Variants in ADGRB2 observed in about 807,000 individuals in gnomAD.
The protein encoded by ADGRB2 is adhesion G protein-coupled receptor B2.
A neutral mutation model predicts 178.7 loss-of-function variants in ADGRB2; 47 were observed. That is an observed-to-expected ratio of 0.26 (90% CI 0.21 to 0.34). The LOEUF (loss-of-function observed/expected upper bound fraction) is 0.34, where lower values mean the gene tolerates loss of function less well. ADGRB2 is among the 10% of genes least tolerant of loss of function. The pLI, the probability that ADGRB2 is intolerant of heterozygous loss-of-function variation, is 1.00. For missense variants in ADGRB2, 1,584 were observed against 2,180.8 expected (o/e 0.73, Z 5.45); for synonymous variants, 870 against 912.4 (o/e 0.95, Z 0.84).
chr1:31,762,551 G>C (rs373255635), intron 1 of ADGRB2, among the ~76,000 whole-genome samples: 1 of 152,210 alleles, frequency 6.6e-6, no homozygotes, highest in African/African-American at 2.4e-5. Flanking sequence ...AATCCTGCTG[G>C]TCTGTACGTG....
At position 31,744,709 on chromosome 1, in the gene ADGRB2, C is replaced by T. The variant is rs749770051; in HGVS notation, c.861G>A (p.Pro287=). ...ACCTCGGCCACTGGGTTTTCACTTTCGGTTCCTCTTCCGGCTCCTCACCTG... is the reference window on the plus strand; with the variant it reads ...ACCTCGGCCACTGGGTTTTCACTTTTGGTTCCTCTTCCGGCTCCTCACCTG... ...MRYGEEPEEE[P]KVKTQWPRSA... Residue 287 remains proline (P), a synonymous_variant, in exon 5 of 33, where the codon CCG becomes CCA. Coordinates refer to ENST00000373658, the MANE Select transcript of ADGRB2 (RefSeq NM_001364857.2). The surrounding 1 kb of genome is among the most constrained non-coding windows in gnomAD (Gnocchi z 6.7). 11 of 1,614,178 alleles carry T rather than the reference C, an allele frequency of 6.8e-6. No homozygotes were observed. Among genetic ancestry groups the T allele is most frequent in the South Asian group, 2.2e-5 (2 of 91,084 alleles).
At position 31,735,311 on chromosome 1, in the gene ADGRB2, A is replaced by G. The variant is rs79576220; in HGVS notation, c.3354-30T>C. Reference sequence around the variant, plus strand: ...GGGGCGGCACAGACATGGGAGAAGGAGGGGAAACACATGGGAAGCCGGGAG... The same window carrying G: ...GGGGCGGCACAGACATGGGAGAAGGGGGGGAAACACATGGGAAGCCGGGAG... On this transcript the variant is annotated intron_variant, in intron 24 of 32. Transcript: ENST00000373658. The surrounding 1 kb of genome is among the most constrained non-coding windows in gnomAD (Gnocchi z 6.0). The G allele has an allele frequency of 6.1e-3, 8,202 of 1,342,316 alleles. 355 individuals are homozygous for G. The African/African-American group carries it at 0.1, about 17-fold the overall frequency. 83.2% of individuals were successfully genotyped at this position (1,342,316 alleles called of 1,614,324 possible).
In ADGRB2 at chr1:31,749,327, C is replaced by T. The variant is rs539034812; in HGVS notation, c.839-4596G>A. Among the ~76,000 whole-genome samples, 19 of 152,332 alleles carry T rather than the reference C, an allele frequency of 1.2e-4. No individual in the cohort carries two copies. In the South Asian group the frequency reaches 2.7e-3, roughly 22 times the overall value. ...GTGAAACTCTGAGCCTGGCATGCTCCGGCCCCTGCTGACCTGTCCAATACT... is the reference window on the plus strand; with the variant it reads ...GTGAAACTCTGAGCCTGGCATGCTCTGGCCCCTGCTGACCTGTCCAATACT... On this transcript the variant is annotated intron_variant, in intron 4 of 32. Transcript: ENST00000373658.
intron 4 of ADGRB2, among the ~76,000 whole-genome samples, chr1:31,750,050 C>T (rs900381275): frequency 1.3e-5 from 2 of 152,228 alleles, no homozygotes; most frequent in Non-Finnish European, 2.9e-5. Flanking sequence ...TTTCCTCCCT[C>T]CACACATCTG....
chr1:31,749,627 T>C (rs1646457220), intron 4 of ADGRB2, among the ~76,000 whole-genome samples: 1 of 152,206 alleles, frequency 6.6e-6, no homozygotes, highest in South Asian at 2.1e-4. Context: ...GAAAAGGAGA[T>C]GTCAGCTGAA....
At chr1:31,731,445 G>T in intron 28 of ADGRB2, 26 bp from the exon 29 acceptor site, 1 of 1,557,150 alleles carries the variant, frequency 6.4e-7, no homozygotes, top group Non-Finnish European at 8.7e-7. Flanking sequence ...GGAGGGAGGG[G>T]GTGAGTCCTG....
chr1:31,748,617 C>G (rs959799009), intron 4 of ADGRB2, among the ~76,000 whole-genome samples: 4 of 152,254 alleles, frequency 2.6e-5, no homozygotes, highest in African/African-American at 9.6e-5. Flanking sequence ...GTGAGTACCC[C>G]CAAGAACTCC....
chr1:31,748,710 T>A (rs1646404533), intron 4 of ADGRB2, among the ~76,000 whole-genome samples: 2 of 152,268 alleles, frequency 1.3e-5, no homozygotes, highest in Non-Finnish European at 2.9e-5. Context: ...AGCTTTCCCG[T>A]CGGGCTGCCA....
chr1:31,731,575 A>T (rs375777516), intron 28 of ADGRB2, among the ~76,000 whole-genome samples, 156 bp from the exon 29 acceptor site: 3 of 152,078 alleles, frequency 2.0e-5, no homozygotes, highest in African/African-American at 7.2e-5. Flanking sequence ...TCTCTCACAT[A>T]TAAGAGGGGT....
In ADGRB2 at chr1:31,728,264, C is replaced by T. The variant is rs766172504; in HGVS notation, c.4433G>A (p.Arg1478Gln). 16 of 1,613,872 alleles carry T rather than the reference C, an allele frequency of 9.9e-6. No homozygotes were observed. Among genetic ancestry groups the T allele is most frequent in the East Asian group, 4.5e-5 (2 of 44,888 alleles). ...DLDFEKVMHT[R>Q]KRHSELYHEL... ...GTGGTAGAGTTCTGAATGCCGTTTC[C>T]GGGTGTGCATCACCTTCTAGGGGCC... Residue 1478 changes from arginine (R) to glutamine (Q), a missense_variant, in exon 31 of 33, where the codon CGG becomes CAG. Coordinates refer to ENST00000373658, the MANE Select transcript of ADGRB2 (RefSeq NM_001364857.2). The surrounding 1 kb of genome is among the most constrained non-coding windows in gnomAD (Gnocchi z 6.7).
In ADGRB2 at chr1:31,753,405, A is replaced by T. The variant is rs1042763100; in HGVS notation, c.838+2594T>A. Among the ~76,000 whole-genome samples the T allele has an allele frequency of 6.6e-5, 10 of 152,004 alleles. No individual in the cohort carries two copies. The highest frequency in any genetic ancestry group is 1.3e-4 in the Non-Finnish European group (9 of 68,004). On this transcript the variant is annotated intron_variant, in intron 4 of 32. Transcript: ENST00000373658. The surrounding 1 kb of genome is among the most constrained non-coding windows in gnomAD (Gnocchi z 4.1). ...CACTCGGCTCTGAGGCGTCCCAGGC[A>T]CTCCGCCAGTCACTGCCCACCAGCC...
At chr1:31,730,474 T>G (rs1383795151) in intron 29 of ADGRB2, among the ~76,000 whole-genome samples, 3 of 152,190 alleles carry the variant, frequency 2.0e-5, no homozygotes, top group African/African-American at 7.2e-5. Flanking sequence ...CAGACCTGCA[T>G]GACGCAGAGG....
rs533711199 is a variant in ADGRB2 at position 31,741,594 on chromosome 1, T to G, written c.1687+30A>C. 13 of 1,603,140 alleles carry G rather than the reference T, an allele frequency of 8.1e-6. No individual in the cohort carries two copies. The highest frequency in any genetic ancestry group is 6.7e-5 in the East Asian group (3 of 44,556). The stretch of plus-strand genomic sequence containing the variant: ...GGGGCAATGAGAATGGCAGGGGTGG[T>G]GGTGGTGGGGAAAGCCACCTGCCCC... On this transcript the variant is annotated intron_variant, in intron 10 of 32. Transcript: ENST00000373658. The surrounding 1 kb of genome is among the most constrained non-coding windows in gnomAD (Gnocchi z 6.5).
chr1:31,756,520 T>C lies in ADGRB2; in HGVS notation c.317A>G (p.Asn106Ser), dbSNP rs200984258. ...RLLPLDHYLV[N>S]FTCLRPSPEE... is the part of the protein sequence containing the mutation. ...GGGGCTAGGCCGCAGGCAGGTAAAG[T>C]TGACCAGGTAGTGGTCCAGGGGCAG... The change falls in exon 4 of 33, where the codon AAC becomes AGC. Residue 106 changes from asparagine (N) to serine (S), a missense_variant. Physicochemically the swap from Asn to Ser is conservative, Grantham distance 46 (BLOSUM62 1). This residue lies in a region of ADGRB2 where 657 missense variants were observed against 847.6 expected (regional missense o/e 0.78). Coordinates refer to ENST00000373658, the MANE Select transcript of ADGRB2 (RefSeq NM_001364857.2). This position sits in a 1 kb window ranked among gnomAD's most constrained non-coding sequence, Gnocchi z 8.5. 6.2e-7 allele frequency: 1 copy of C among 1,613,162 alleles called. No homozygotes were observed. Among genetic ancestry groups the C allele is most frequent in the Non-Finnish European group, 8.5e-7 (1 of 1,179,668 alleles).
In ADGRB2 at chr1:31,732,499, C is replaced by A; in HGVS notation, c.3720+18G>T. ...GTGCCCAGAATCTGCCCAGGCCCTG[C>A]CCAGGCCCCTAACTCACCAGGATCT... On this transcript the variant is annotated intron_variant, in intron 27 of 32. Transcript: ENST00000373658. The A allele has an allele frequency of 6.2e-7, 1 of 1,613,708 alleles. No homozygotes were observed. Among genetic ancestry groups the A allele is most frequent in the Non-Finnish European group, 8.5e-7 (1 of 1,179,740 alleles).
At chr1:31,742,497 G>A (rs1405809107) in intron 7 of ADGRB2, among the ~76,000 whole-genome samples, 3 of 152,196 alleles carry the variant, frequency 2.0e-5, no homozygotes, top group African/African-American at 7.2e-5. Flanking sequence ...GGGGCTGCAG[G>A]GGTGTCTTCT....
At chr1:31,751,586 A>AAGTT (rs1212223645) in intron 4 of ADGRB2, among the ~76,000 whole-genome samples, 1 of 152,236 alleles carries the variant, frequency 6.6e-6, no homozygotes, top group East Asian at 1.9e-4. Context: ...ATCTAGCTAG[A>AAGTT]AGTTAATAAC....
chr1:31,741,380 T>A lies in ADGRB2; in HGVS notation c.1787A>T (p.Tyr596Phe). The part of the protein sequence containing the change: ...RCISHEYRYL[Y>F]LSLREHLAKG... ...CCAGCAGGGTGCACTCACTGACAGA[T>A]ACAGGTAGCGGTACTCATGGGAGAT... Residue 596 changes from tyrosine (Y) to phenylalanine (F), a missense_variant, in exon 11 of 33, where the codon TAT (tyrosine) becomes TTT (phenylalanine). Around this residue, in one of 3 missense-constraint regions of ADGRB2, gnomAD observed 657 missense variants for 847.6 expected, o/e 0.78. Coordinates refer to ENST00000373658, the MANE Select transcript of ADGRB2 (RefSeq NM_001364857.2). The surrounding 1 kb of genome is among the most constrained non-coding windows in gnomAD (Gnocchi z 6.5). The A allele has an allele frequency of 1.2e-6, 2 of 1,601,262 alleles. No homozygotes were observed. Among genetic ancestry groups the A allele is most frequent in the Non-Finnish European group, 1.7e-6 (2 of 1,174,138 alleles).
rs896175293 is a variant in ADGRB2 at position 31,742,311 on chromosome 1, G to A, written c.1253-94C>T. 4 of 1,492,496 alleles carry A rather than the reference G, an allele frequency of 2.7e-6. No individual in the cohort carries two copies. In the African/African-American group the frequency reaches 5.6e-5, roughly 21 times the overall value. 92.5% of individuals were successfully genotyped at this position (1,492,496 alleles called of 1,614,324 possible). A position where few individuals can be genotyped will look rare whatever the true frequency, so the allele number is the denominator to read the frequency against. On this transcript the variant is annotated intron_variant, in intron 7 of 32. Coordinates refer to ENST00000373658, the MANE Select transcript of ADGRB2 (RefSeq NM_001364857.2). ...CACAGGAAGACCCAGAGCCTGCTAGGCATTCAGATTTGAGCCAGGCCAGAC... is the reference window on the plus strand; with the variant it reads ...CACAGGAAGACCCAGAGCCTGCTAGACATTCAGATTTGAGCCAGGCCAGAC...
Sources: gnomAD v4.1 joint callset for allele counts (sites outside exome capture counted in the v4.1 genomes callset) on GRCh38, gnomAD v4.1.1 for gene constraint, gnomAD v4.1.1 regional missense constraint, Gnocchi (gnomAD v3.1) non-coding constraint, MANE v1.5 for transcripts, NCBI Gene and HGNC (gene_info 2026-07-23, HGNC 2026-07-21) for gene names.